Variants in SEMA5B observed in about 807,000 individuals in gnomAD.
SEMA5B encodes semaphorin 5B.
Under a neutral mutation model 135.0 loss-of-function variants are expected in SEMA5B, and 66 were observed. The observed-to-expected ratio is 0.49, with a 90% CI of 0.40 to 0.60. SEMA5B has a LOEUF of 0.60. Ranked by LOEUF, SEMA5B falls within the 20% of genes least tolerant of loss-of-function variation. The probability of loss-of-function intolerance (pLI) is 0.00; values close to 1 mark genes in which losing one functional copy is unlikely to be tolerated. For synonymous variants in SEMA5B, 690 were observed against 639.5 expected (o/e 1.08, Z -1.19); for missense variants, 1,501 against 1,566.3 (o/e 0.96, Z 0.70).
At chr3:122,973,996 G>A (rs146399272) in intron 1 of SEMA5B, among the ~76,000 whole-genome samples, 38 of 152,286 alleles carry the variant, frequency 2.5e-4, no homozygotes, top group South Asian at 6.2e-4. Flanking sequence ...GCCTCGGGCC[G>A]TCTAGGAGCA....
chr3:122,951,422 T>C (rs1055892360), intron 2 of SEMA5B, among the ~76,000 whole-genome samples: 2 of 152,214 alleles, frequency 1.3e-5, no homozygotes, highest in Non-Finnish European at 2.9e-5. Flanking sequence ...GGTAAACATA[T>C]TGGCTACTCA....
intron 1 of SEMA5B, among the ~76,000 whole-genome samples, chr3:123,025,573 G>A (rs1942779007): frequency 6.6e-6 from 1 of 152,204 alleles, no homozygotes; most frequent in Non-Finnish European, 1.5e-5. Context: ...TCTGGCACTG[G>A]CTGCTTGGAA....
intron 3 of SEMA5B, among the ~76,000 whole-genome samples, chr3:122,945,907 C>A (rs1456249436): frequency 6.7e-6 from 1 of 149,572 alleles, no homozygotes; most frequent in Non-Finnish European, 1.5e-5. Flanking sequence ...CCCACATGGG[C>A]AAGGGGGATG....
intron 1 of SEMA5B, among the ~76,000 whole-genome samples, chr3:122,971,751 G>A (rs555358060): frequency 3.3e-5 from 5 of 152,326 alleles, no homozygotes; most frequent in Admixed American, 6.5e-5. Context: ...AGGCAGGTGC[G>A]GCACGGTGAG....
intron 1 of SEMA5B, among the ~76,000 whole-genome samples, chr3:122,987,248 T>A (rs1443082599): frequency 6.6e-6 from 1 of 152,148 alleles, no homozygotes; most frequent in Non-Finnish European, 1.5e-5. Context: ...GGGAATCTAC[T>A]AAACATTGAA....
At chr3:122,917,829 G>GATCAATGGTTTGATTTGAGGGTGTTTT (rs368979776) in intron 12 of SEMA5B, among the ~76,000 whole-genome samples, 3,731 of 152,144 alleles carry the variant, frequency 0.025, 139 homozygotes, top group African/African-American at 0.082. Context: ...TTTCCTCTGG[G>GATCAATGGTTTGATTTGAGGGTGTTTT]ATCAATGGTT....
intron 2 of SEMA5B, among the ~76,000 whole-genome samples, chr3:122,960,526 T>G (rs1484058979): frequency 6.6e-6 from 1 of 152,202 alleles, no homozygotes; most frequent in Non-Finnish European, 1.5e-5. Flanking sequence ...TGTACACATG[T>G]TCATAGTAGC....
chr3:122,985,371 A>G (rs2107696235), intron 1 of SEMA5B, among the ~76,000 whole-genome samples: 1 of 152,248 alleles, frequency 6.6e-6, no homozygotes, highest in Non-Finnish European at 1.5e-5. Context: ...AGCAGGTTGC[A>G]CTTGCCTGTA....
rs73193899 is a variant in SEMA5B at position 122,952,028 on chromosome 3, C to A, written c.125-3319G>T. On this transcript the variant is annotated intron_variant, in intron 2 of 22. Transcript: ENST00000357599. ...GCACCCAACTGACCCCTTCTCCCCC[C>A]ACTCCCTCCCTGGTCTGCACCCCAC... Among the ~76,000 whole-genome samples, 49 of 152,334 alleles carry A rather than the reference C, an allele frequency of 3.2e-4. No homozygotes were observed. In the South Asian group the frequency reaches 7.2e-3, roughly 23 times the overall value.
At chr3:122,942,933 C>T (rs1293098630) in intron 4 of SEMA5B, among the ~76,000 whole-genome samples, 1 of 152,150 alleles carries the variant, frequency 6.6e-6, no homozygotes, top group East Asian at 1.9e-4. Flanking sequence ...ACAGGTTCCC[C>T]CAGAGAGTAC....
At chr3:123,019,950 G>A (rs948610149) in intron 1 of SEMA5B, among the ~76,000 whole-genome samples, 13 of 152,210 alleles carry the variant, frequency 8.5e-5, no homozygotes, top group Admixed American at 3.3e-4. Flanking sequence ...AGCAGTCAGC[G>A]CGAAGCCTCA....
chr3:122,933,493 C>T (rs1219684609), intron 5 of SEMA5B, among the ~76,000 whole-genome samples: 2 of 152,036 alleles, frequency 1.3e-5, no homozygotes. Flanking sequence ...AGGATCTTCT[C>T]CTTAATAACA....
chr3:122,975,824 A>C (rs1941298632), intron 1 of SEMA5B, among the ~76,000 whole-genome samples: 1 of 151,958 alleles, frequency 6.6e-6, no homozygotes, highest in Non-Finnish European at 1.5e-5. Context: ...TCTGCTGCTT[A>C]AAACCCCCAC....
At chr3:122,948,065 G>C (rs1460316070) in intron 3 of SEMA5B, among the ~76,000 whole-genome samples, 1 of 152,144 alleles carries the variant, frequency 6.6e-6, no homozygotes, top group Non-Finnish European at 1.5e-5. Context: ...GGAGTTATGA[G>C]TCACCAGGGC....
chr3:122,911,613 G>C, intron 20 of SEMA5B, 78 bp from the exon 21 acceptor site: 1 of 1,443,680 alleles, frequency 6.9e-7, no homozygotes, highest in Non-Finnish European at 9.4e-7. Context: ...CGTAAGCCTG[G>C]GAGGACCTCT....
In SEMA5B at chr3:122,913,315, C is replaced by G; in HGVS notation, c.2390G>C (p.Arg797Pro). 6.4e-7 allele frequency: 1 copy of G among 1,571,816 alleles called. No individual in the cohort carries two copies. Among genetic ancestry groups the G allele is most frequent in the Non-Finnish European group, 8.6e-7 (1 of 1,167,748 alleles). ...GGGCGCGCGGCAGGTGAAGCGGAAC[C>G]GCTGCTCCTGCCGTGCCCCGCCCTG... ...VTQGGARQEQ[R>P]FRFTCRAPLA... Residue 797 changes from arginine to proline, a missense_variant, in exon 17 of 23, where the codon CGG (arginine) becomes CCG (proline). Transcript: ENST00000357599.
chr3:123,006,694 T>C (rs1942320917), intron 1 of SEMA5B, among the ~76,000 whole-genome samples: 3 of 152,136 alleles, frequency 2.0e-5, no homozygotes, highest in African/African-American at 7.2e-5. Context: ...ATTGGGCTTT[T>C]TTAAGCCAAG....
intron 17 of SEMA5B, 23 bp from the exon 18 acceptor site, chr3:122,913,084 C>A: frequency 1.4e-6 from 2 of 1,428,098 alleles, no homozygotes; most frequent in Non-Finnish European, 1.8e-6. Context: ...TAGGCCTCAG[C>A]GACTGGGCGC....
chr3:123,007,576 A>G (rs1942343884), intron 1 of SEMA5B, among the ~76,000 whole-genome samples: 1 of 152,154 alleles, frequency 6.6e-6, no homozygotes, highest in Non-Finnish European at 1.5e-5. Context: ...TAGTTCATTC[A>G]TGGGTTAATG....
Sources: allele counts gnomAD v4.1 joint callset (sites outside exome capture counted in the v4.1 genomes callset), GRCh38; gene constraint gnomAD v4.1.1; transcripts MANE v1.5; gene names NCBI Gene and HGNC (gene_info 2026-07-23, HGNC 2026-07-21).